The following SGCZ variants were observed in gnomAD, a reference collection of about 807,000 sequenced individuals.
SGCZ encodes the protein sarcoglycan zeta.
In SGCZ, 40 loss-of-function variants were observed where a neutral mutation model predicts 41.3. The observed-to-expected ratio is 0.97, with a 90% CI of 0.75 to 1.26. The LOEUF is 1.26. Among genes scored for constraint, SGCZ ranks in the 50% most tolerant of loss-of-function variants. The probability of loss-of-function intolerance (pLI) is 0.00; values close to 1 mark genes in which losing one functional copy is unlikely to be tolerated. For missense variants in SGCZ, 552 were observed against 369.8 expected, an observed-to-expected ratio of 1.49 and a Z score of -4.04; for synonymous variants, 206 against 137.5, an observed-to-expected ratio of 1.50 and a Z score of -3.49.
At chr8:14,924,260 C>T (rs1418399402) in intron 1 of SGCZ, among the ~76,000 whole-genome samples, 2 of 152,188 alleles carry the variant, frequency 1.3e-5, no homozygotes, top group African/African-American at 4.8e-5. Context: ...CTAGTTACAT[C>T]TTCTGTTAGT....
intron 2 of SGCZ, among the ~76,000 whole-genome samples, chr8:14,439,027 G>A (rs1379306817): frequency 6.6e-6 from 1 of 151,948 alleles, no homozygotes; most frequent in Non-Finnish European, 1.5e-5. Context: ...AGCTTCCTCT[G>A]CAAAGGTTTA....
At chr8:14,331,388 T>C (rs2061543389) in intron 2 of SGCZ, among the ~76,000 whole-genome samples, 1 of 152,144 alleles carries the variant, frequency 6.6e-6, no homozygotes, top group South Asian at 2.1e-4. Context: ...TGTTTTTTAA[T>C]ACTTTATACT....
chr8:14,664,626 G>A (rs963057696), intron 1 of SGCZ, among the ~76,000 whole-genome samples: 3 of 152,116 alleles, frequency 2.0e-5, no homozygotes, highest in East Asian at 1.9e-4. Context: ...TAACCAACTA[G>A]TGGGACTAAT....
At chr8:14,308,703 G>A (rs558072864) in intron 3 of SGCZ, among the ~76,000 whole-genome samples, 6 of 151,914 alleles carry the variant, frequency 3.9e-5, no homozygotes, top group South Asian at 2.1e-4. Context: ...TGAAGATACC[G>A]TGTGTTTCAA....
At chr8:14,991,130 G>GTTGT (rs1802001397) in intron 1 of SGCZ, among the ~76,000 whole-genome samples, 1 of 152,002 alleles carries the variant, frequency 6.6e-6, no homozygotes, top group East Asian at 1.9e-4. Flanking sequence ...CAAGCATAAG[G>GTTGT]TTGTTATCCG....
chr8:14,997,395 A>C (rs924944466), intron 1 of SGCZ, among the ~76,000 whole-genome samples: 2 of 152,220 alleles, frequency 1.3e-5, no homozygotes, highest in Non-Finnish European at 2.9e-5. Context: ...AGATCATATT[A>C]ATGCAGTAAA....
chr8:14,823,495 C>A (rs58363693), intron 1 of SGCZ, among the ~76,000 whole-genome samples: 13,899 of 152,170 alleles, frequency 0.091, 1,244 homozygotes, highest in African/African-American at 0.23. Context: ...CATTTCTAAT[C>A]GTCAAGCAAC....
intron 2 of SGCZ, among the ~76,000 whole-genome samples, chr8:14,381,500 C>T (rs1804362285): frequency 6.6e-6 from 1 of 152,034 alleles, no homozygotes; most frequent in Non-Finnish European, 1.5e-5. Context: ...AGCAGCCAGG[C>T]ACGGTGACTC....
At chr8:15,236,524 G>C (rs1463108502) in intron 1 of SGCZ, among the ~76,000 whole-genome samples, 3 of 152,160 alleles carry the variant, frequency 2.0e-5, no homozygotes, top group East Asian at 1.9e-4. Context: ...CAAATGCCTA[G>C]GGGTAAAGAA....
chr8:14,225,348 G>T (rs1806335774), intron 4 of SGCZ, among the ~76,000 whole-genome samples: 5 of 152,028 alleles, frequency 3.3e-5, no homozygotes, highest in Admixed American at 3.3e-4. Flanking sequence ...AAGCTGATTA[G>T]TTTTGTTAAA....
chr8:14,458,615 G>A (rs563370238), intron 2 of SGCZ, among the ~76,000 whole-genome samples: 5 of 152,158 alleles, frequency 3.3e-5, no homozygotes, highest in African/African-American at 9.6e-5. Flanking sequence ...ACATAGATAA[G>A]GAAATAAATA....
chr8:14,785,809 G>T (rs2130451244), intron 1 of SGCZ, among the ~76,000 whole-genome samples: 1 of 152,152 alleles, frequency 6.6e-6, no homozygotes. Context: ...GCAGGCGTAG[G>T]ATTGTGGTTC....
At chr8:14,223,500 T>G (rs1381694600) in intron 4 of SGCZ, among the ~76,000 whole-genome samples, 1 of 152,184 alleles carries the variant, frequency 6.6e-6, no homozygotes, top group Non-Finnish European at 1.5e-5. Context: ...TTACTACTCA[T>G]TTTTATATTC....
chr8:14,784,935 A>ATATATATATTTTTTATATTATATATATAT (rs1563267388), intron 1 of SGCZ, among the ~76,000 whole-genome samples: 1 of 68,530 alleles, frequency 1.5e-5, no homozygotes, highest in African/African-American at 5.0e-5. Context: ...TATATATATA[A>ATATATATATTTTTTATATTATATATATAT]AATATATATA....
intron 1 of SGCZ, among the ~76,000 whole-genome samples, chr8:14,939,511 G>A (rs1016939360): frequency 2.6e-5 from 4 of 152,082 alleles, no homozygotes; most frequent in Non-Finnish European, 5.9e-5. Context: ...TTTATCGTAT[G>A]AGGATGGTTA....
chr8:14,354,269 A>G (rs2117112807), intron 2 of SGCZ, among the ~76,000 whole-genome samples: 1 of 152,126 alleles, frequency 6.6e-6, no homozygotes, highest in Admixed American at 6.6e-5. Context: ...CTGATTAGTC[A>G]GTACTGATTT....
intron 1 of SGCZ, among the ~76,000 whole-genome samples, chr8:14,580,913 T>C (rs1381243326): frequency 6.6e-6 from 1 of 152,198 alleles, no homozygotes; most frequent in East Asian, 1.9e-4. Flanking sequence ...TTTACTGGTA[T>C]TCACAACCCT....
At chr8:14,144,737 G>A (rs545008040) in intron 5 of SGCZ, among the ~76,000 whole-genome samples, 1 of 152,302 alleles carries the variant, frequency 6.6e-6, no homozygotes, top group African/African-American at 2.4e-5. Context: ...CTGTGGGCCA[G>A]AGGGGAGCCT....
At chr8:14,159,179 C>T (rs1273970516) in intron 5 of SGCZ, among the ~76,000 whole-genome samples, 2 of 152,074 alleles carry the variant, frequency 1.3e-5, no homozygotes, top group African/African-American at 4.8e-5. Context: ...CTATAAGAGA[C>T]ACTTTAAACA....
Sources: allele counts gnomAD v4.1 joint callset (sites outside exome capture counted in the v4.1 genomes callset), GRCh38; gene constraint gnomAD v4.1.1; transcripts MANE v1.5; gene names NCBI Gene and HGNC (gene_info 2026-07-23, HGNC 2026-07-21).